The following PRKG1 variants were observed in gnomAD, a reference collection of about 807,000 sequenced individuals.
The protein encoded by PRKG1 is protein kinase cGMP-dependent 1.
In PRKG1, 35 loss-of-function variants were observed where a neutral mutation model predicts 88.1. The observed-to-expected ratio is 0.40, with a 90% CI of 0.30 to 0.53. PRKG1 has a LOEUF of 0.53. Ranked by LOEUF, PRKG1 falls within the 20% of genes least tolerant of loss-of-function variation. The pLI is 0.59. For synonymous variants in PRKG1, 303 were observed against 292.5 expected (o/e 1.04, Z -0.37); for missense variants, 540 against 839.8 (o/e 0.64, Z 4.41).
chr10:51,047,205 T>C (rs560470607), intron 1 of PRKG1, among the ~76,000 whole-genome samples: 1 of 152,304 alleles, frequency 6.6e-6, no homozygotes, highest in African/African-American at 2.4e-5. Context: ...ACTTAAGCCA[T>C]GTGCAAAACA....
At chr10:51,813,271 C>T (rs1422422495) in intron 4 of PRKG1, among the ~76,000 whole-genome samples, 1 of 151,992 alleles carries the variant, frequency 6.6e-6, no homozygotes, top group African/African-American at 2.4e-5. Flanking sequence ...ATGACATAAC[C>T]ACATTTATTT....
At chr10:51,428,604 G>A (rs1194290069) in intron 2 of PRKG1, among the ~76,000 whole-genome samples, 1 of 152,186 alleles carries the variant, frequency 6.6e-6, no homozygotes, top group African/African-American at 2.4e-5. Flanking sequence ...CTGGGTAAGG[G>A]CACTATGAGT....
At chr10:51,974,093 C>T (rs1342839930) in intron 5 of PRKG1, among the ~76,000 whole-genome samples, 1 of 152,112 alleles carries the variant, frequency 6.6e-6, no homozygotes, top group Non-Finnish European at 1.5e-5. Flanking sequence ...ACCCCATGGC[C>T]TGCAAAGACT....
chr10:51,656,970 C>A (rs908414916), intron 3 of PRKG1, among the ~76,000 whole-genome samples: 19 of 152,152 alleles, frequency 1.2e-4, no homozygotes, highest in Admixed American at 9.8e-4. Context: ...GGGCAAGTTA[C>A]TTGAATTCTC....
At chr10:51,698,847 G>C (rs746610656) in intron 3 of PRKG1, 13 of 1,614,054 alleles carry the variant, frequency 8.1e-6, no homozygotes, top group Middle Eastern at 1.6e-4. Flanking sequence ...TGAGGAGCTG[G>C]AGGATTCTGC....
chr10:51,363,240 C>T (rs1842521656), intron 2 of PRKG1, among the ~76,000 whole-genome samples: 1 of 151,698 alleles, frequency 6.6e-6, no homozygotes, highest in Non-Finnish European at 1.5e-5. Context: ...AATTCTCGCA[C>T]TCCATCAAAA....
chr10:51,071,610 A>G (rs562315908), upstream of PRKG1, among the ~76,000 whole-genome samples: 2 of 152,240 alleles, frequency 1.3e-5, no homozygotes, highest in Non-Finnish European at 2.9e-5. Context: ...TAATGTGTAT[A>G]CATCCTATAG....
chr10:51,807,741 C>G (rs1380422240), intron 4 of PRKG1, among the ~76,000 whole-genome samples: 1 of 152,118 alleles, frequency 6.6e-6, no homozygotes, highest in Non-Finnish European at 1.5e-5. Flanking sequence ...TTCTGCATGA[C>G]AGCTGTCAAA....
At chr10:52,044,342 A>G (rs560643719) in intron 5 of PRKG1, among the ~76,000 whole-genome samples, 133 of 152,250 alleles carry the variant, frequency 8.7e-4, no homozygotes, top group Admixed American at 3.8e-3. Flanking sequence ...AGATGAACTG[A>G]GTCAATGTGT....
intron 3 of PRKG1, among the ~76,000 whole-genome samples, chr10:51,799,472 A>T (rs1839107863): frequency 6.6e-6 from 1 of 151,854 alleles, no homozygotes. Flanking sequence ...TTGTGGTGGT[A>T]GTTGTGGTGG....
chr10:51,368,596 T>C (rs1335628259), intron 2 of PRKG1, among the ~76,000 whole-genome samples: 1 of 152,044 alleles, frequency 6.6e-6, no homozygotes, highest in Non-Finnish European at 1.5e-5. Flanking sequence ...TAATTTAAAA[T>C]TACAGAGTGA....
intron 3 of PRKG1, among the ~76,000 whole-genome samples, chr10:51,771,449 G>A (rs1032443317): frequency 1.3e-5 from 2 of 152,180 alleles, no homozygotes; most frequent in Non-Finnish European, 2.9e-5. Context: ...GATGGACAGA[G>A]CACTGCATTT....
chr10:51,770,553 AGAGGAGGT>A (rs1838278006), intron 3 of PRKG1, among the ~76,000 whole-genome samples: 1 of 152,212 alleles, frequency 6.6e-6, no homozygotes, highest in African/African-American at 2.4e-5. Context: ...CGGACTGCAC[AGAGGAGGT>A]GAGGGGGTGC....
intron 1 of PRKG1, among the ~76,000 whole-genome samples, chr10:51,069,354 G>A (rs527237677): frequency 9.2e-5 from 14 of 151,562 alleles, no homozygotes; most frequent in African/African-American, 2.9e-4. Flanking sequence ...ATTCCTTATG[G>A]CCAAATCTAT....
chr10:51,102,530 A>C (rs183706548), intron 1 of PRKG1, among the ~76,000 whole-genome samples: 24 of 152,294 alleles, frequency 1.6e-4, no homozygotes, highest in Admixed American at 4.6e-4. Flanking sequence ...GAAATTTCCT[A>C]GTTCTTATTT....
chr10:51,282,175 T>C (rs1163834968), intron 2 of PRKG1, among the ~76,000 whole-genome samples: 2 of 152,192 alleles, frequency 1.3e-5, no homozygotes, highest in African/African-American at 4.8e-5. Context: ...AGGATGTTCC[T>C]TAAGTTTCCA....
intron 4 of PRKG1, among the ~76,000 whole-genome samples, chr10:51,858,681 A>T (rs1840784014): frequency 6.6e-6 from 1 of 151,456 alleles, no homozygotes; most frequent in South Asian, 2.1e-4. Flanking sequence ...ACAAGCATTT[A>T]CTGGGTGCCT....
chr10:52,135,992 A>C (rs1171059246), intron 8 of PRKG1, among the ~76,000 whole-genome samples: 1 of 152,040 alleles, frequency 6.6e-6, no homozygotes, highest in Non-Finnish European at 1.5e-5. Context: ...AGAGCGGTGT[A>C]GGAGACTTCA....
chr10:51,736,636 C>G (rs1837288743), intron 3 of PRKG1, among the ~76,000 whole-genome samples: 2 of 143,714 alleles, frequency 1.4e-5, no homozygotes, highest in Non-Finnish European at 3.0e-5. Flanking sequence ...GAGACAGGGT[C>G]TCCCCTCTGT....
Sources: gnomAD v4.1 joint callset for allele counts (sites outside exome capture counted in the v4.1 genomes callset) on GRCh38, gnomAD v4.1.1 for gene constraint, MANE v1.5 for transcripts, NCBI Gene and HGNC (gene_info 2026-07-23, HGNC 2026-07-21) for gene names.